The following FAM199X variants were observed in gnomAD, a reference collection of about 807,000 sequenced individuals.
The protein encoded by FAM199X is protein FAM199X.
In FAM199X, 4 loss-of-function variants were observed where a neutral mutation model predicts 22.9. The observed-to-expected ratio is 0.17, with a 90% CI of 0.09 to 0.40. FAM199X has a LOEUF of 0.40. FAM199X is among the 10% of genes least tolerant of loss of function. The pLI is 1.00. For missense variants in FAM199X, 183 were observed against 306.8 expected (o/e 0.60, Z 3.01); for synonymous variants, 101 against 112.3 (o/e 0.90, Z 0.64).
At position 104,188,296 on chromosome X, in the gene FAM199X, G is replaced by A; in HGVS notation, c.986G>A (p.Arg329Gln). The change falls in exon 5 of 6, where the codon CGG becomes CAG. Residue 329 changes from arginine (R) to glutamine (Q), a missense_variant. By Grantham distance (43) the Arg-to-Gln change is conservative (BLOSUM62 1). This residue lies in a region of FAM199X where 128 missense variants were observed against 246.2 expected (regional missense o/e 0.52). Coordinates refer to ENST00000493442, the MANE Select transcript of FAM199X (RefSeq NM_207318.4). Reference protein sequence around the residue: ...NLSASAAERIRDSKKRSKQRK... With the variant: ...NLSASAAERIQDSKKRSKQRK... Reference sequence around the variant, plus strand: ...TCTGCAAGTGCAGCAGAGCGGATTCGGGATTCAAAAGTAAAACGTCTAATC... The same window carrying A: ...TCTGCAAGTGCAGCAGAGCGGATTCAGGATTCAAAAGTAAAACGTCTAATC... 2 of 1,211,470 alleles carry A rather than the reference G, an allele frequency of 1.7e-6. No individual in the cohort carries two copies. Among genetic ancestry groups the A allele is most frequent in the East Asian group, 3.0e-5 (1 of 33,821 alleles).
chrX:104,175,555 T>C (rs1921466937), intron 1 of FAM199X, 68 bp from the exon 2 acceptor site: 1 of 924,578 alleles, frequency 1.1e-6, no homozygotes, highest in African/African-American at 2.0e-5. Flanking sequence ...ATATGTCCTG[T>C]TAATTATATC....
At chrX:104,167,054 C>G in intron 1 of FAM199X, 72 bp downstream of exon 1, 1 of 976,010 alleles carries the variant, frequency 1.0e-6, no homozygotes, top group Non-Finnish European at 1.3e-6. Flanking sequence ...TCCTTCGTCC[C>G]GGGCTGCGCT....
chrX:104,157,232 A>C, the FAM199X span, among the ~76,000 whole-genome samples: 4 of 112,041 alleles, frequency 3.6e-5, no homozygotes, highest in Non-Finnish European at 7.5e-5. Flanking sequence ...CTTATCAGTC[A>C]TTCTCAAACA....
chrX:104,169,447 T>G (rs1921297216), intron 1 of FAM199X, among the ~76,000 whole-genome samples: 1 of 112,473 alleles, frequency 8.9e-6, no homozygotes, highest in Non-Finnish European at 1.9e-5. Flanking sequence ...GATAAGGACC[T>G]TATGATTATG....
rs1377178665 is a variant in FAM199X, at chrX:104,195,451, A to C, written c.*5673A>C. ...GACAGATCAGATTTCTAGAGAGAGC[A>C]GATTTCTAGAGAGATTAGCATTCAT... On this transcript the variant is annotated 3_prime_UTR_variant, in exon 6 of 6. Coordinates refer to ENST00000493442, the MANE Select transcript of FAM199X (RefSeq NM_207318.4). The C allele has an allele frequency of 8.9e-6, 1 of 111,839 alleles. No homozygotes were observed. Among genetic ancestry groups the C allele is most frequent in the Non-Finnish European group, 1.9e-5 (1 of 53,178 alleles). The allele number at this position is 111,839 out of a possible 1,213,427, so 9.2% of individuals were successfully genotyped here.
chrX:104,168,296 C>T (rs1344050143), intron 1 of FAM199X, among the ~76,000 whole-genome samples: 5 of 112,028 alleles, frequency 4.5e-5, no homozygotes, highest in African/African-American at 1.6e-4. Context: ...AGTTCAAGGT[C>T]ATAAAACCTA....
chrX:104,158,440 G>A, the FAM199X span, among the ~76,000 whole-genome samples: 3 of 111,856 alleles, frequency 2.7e-5, no homozygotes, highest in East Asian at 8.4e-4. Flanking sequence ...TCATCCCACC[G>A]TTCTGTAAAG....
intron 2 of FAM199X, among the ~76,000 whole-genome samples, chrX:104,184,471 T>C (rs1305868184): frequency 2.7e-5 from 3 of 112,178 alleles, no homozygotes; most frequent in African/African-American, 9.7e-5. Context: ...ATGACTTAAA[T>C]ATATTTATTT....
rs187260525 is a variant in FAM199X at position 104,186,694 on chromosome X, C to G, written c.729+73C>G. ...CTTATAAAATGTAGACTAAAATAAT[C>G]ATGTGTAAATACATAGATAATTAAG... On this transcript the variant is annotated intron_variant, in intron 4 of 5. Transcript: ENST00000493442. The G allele has an allele frequency of 1.4e-4, 140 of 973,615 alleles. 1 individual carries two copies. The highest frequency in any genetic ancestry group is 1.4e-3 in the Admixed American group (47 of 34,010). 80.2% of individuals were successfully genotyped at this position (973,615 alleles called of 1,213,427 possible). A position where few individuals can be genotyped will look rare whatever the true frequency, so the allele number is the denominator to read the frequency against.
chrX:104,176,673 G>C (rs782297026), intron 2 of FAM199X, among the ~76,000 whole-genome samples: 35 of 112,100 alleles, frequency 3.1e-4, no homozygotes, highest in African/African-American at 1.0e-3. Context: ...ACCACTGTTA[G>C]GAGCTTATGC....
At chrX:104,157,616 A>G in the FAM199X span, among the ~76,000 whole-genome samples, 2 of 112,315 alleles carry the variant, frequency 1.8e-5, no homozygotes, top group Non-Finnish European at 3.8e-5. Flanking sequence ...AACATTGCCT[A>G]TCATGAAGTT....
intron 4 of FAM199X, among the ~76,000 whole-genome samples, chrX:104,187,447 G>A (rs910189148): frequency 1.8e-5 from 2 of 111,492 alleles, no homozygotes; most frequent in Non-Finnish European, 1.9e-5. Flanking sequence ...GAATACTTAC[G>A]TTCTTATGTT....
chrX:104,182,703 A>G (rs1196248143), intron 2 of FAM199X, among the ~76,000 whole-genome samples: 2 of 111,561 alleles, frequency 1.8e-5, no homozygotes, highest in East Asian at 5.6e-4. Context: ...ATTCTGAAAC[A>G]CTGCCTTGTG....
At chrX:104,173,648 G>A (rs1921414670) in intron 1 of FAM199X, among the ~76,000 whole-genome samples, 1 of 111,862 alleles carries the variant, frequency 8.9e-6, no homozygotes, top group South Asian at 3.7e-4. Context: ...ATTACTTCAG[G>A]AGCTTGTTAG....
chrX:104,174,803 C>T (rs1556376081), intron 1 of FAM199X, among the ~76,000 whole-genome samples: 1 of 111,837 alleles, frequency 8.9e-6, no homozygotes, highest in East Asian at 2.8e-4. Flanking sequence ...TAAAAATAAA[C>T]TACCAAAATA....
At chrX:104,167,126 C>A in intron 1 of FAM199X, 144 bp downstream of exon 1, 1 of 470,341 alleles carries the variant, frequency 2.1e-6, no homozygotes, top group Admixed American at 5.4e-5. Flanking sequence ...CCTTCCCTGC[C>A]CCCCCTCCCT....
chrX:104,187,920 ATGCATC>A, intron 4 of FAM199X, 114 bp from the exon 5 acceptor site: 1 of 827,116 alleles, frequency 1.2e-6, no homozygotes, highest in Non-Finnish European at 1.7e-6. Context: ...TACCTTACGT[ATGCATC>A]TGCAGCACTT....
chrX:104,167,583 T>C (rs1278565117), intron 1 of FAM199X, among the ~76,000 whole-genome samples: 3 of 110,286 alleles, frequency 2.7e-5, no homozygotes, highest in South Asian at 7.8e-4. Flanking sequence ...CTTTATTAAC[T>C]GTTTGCCTTA....
Position 104,193,595 on chromosome X carries a change from G to A in FAM199X, c.*3817G>A, listed in dbSNP as rs1325197373. On this transcript the variant is annotated 3_prime_UTR_variant, in exon 6 of 6. Transcript: ENST00000493442. ...ATTTGTTTGGAATTGAAGGGTACTCGCAGTCCGTTTATAGTTTGGGACAAT... is the reference window on the plus strand; with the variant it reads ...ATTTGTTTGGAATTGAAGGGTACTCACAGTCCGTTTATAGTTTGGGACAAT... 1 of 108,175 alleles carries A rather than the reference G, an allele frequency of 9.2e-6. No homozygotes were observed. Among genetic ancestry groups the A allele is most frequent in the African/African-American group, 3.4e-5 (1 of 29,580 alleles). The allele number at this position is 108,175 out of a possible 1,213,427, so 8.9% of individuals were successfully genotyped here. A position where few individuals can be genotyped will look rare whatever the true frequency, so the allele number is the denominator to read the frequency against.
Sources: allele counts gnomAD v4.1 joint callset (sites outside exome capture counted in the v4.1 genomes callset), GRCh38; gene constraint gnomAD v4.1.1; regional missense constraint gnomAD v4.1.1; transcripts MANE v1.5; gene names NCBI Gene and HGNC (gene_info 2026-07-23, HGNC 2026-07-21).